DLGAP2: variants seen among roughly 807,000 people sequenced by gnomAD.
DLGAP2 encodes the protein DLG associated protein 2.
In DLGAP2, 26 loss-of-function variants were observed where a neutral mutation model predicts 100.3. The ratio of observed to expected loss-of-function variants is 0.26; its 90% CI spans 0.19 to 0.36. The LOEUF (loss-of-function observed/expected upper bound fraction) is 0.36, where lower values mean the gene tolerates loss of function less well. DLGAP2 is among the 10% of genes least tolerant of loss of function. DLGAP2 has a pLI of 1.00. For synonymous variants in DLGAP2, 886 were observed against 630.1 expected (o/e 1.41, Z -6.08); for missense variants, 1,858 against 1,453.2 (o/e 1.28, Z -4.53).
chr8:1,388,985 G>A (rs1332702337), intron 3 of DLGAP2, among the ~76,000 whole-genome samples: 1 of 137,078 alleles, frequency 7.3e-6, no homozygotes, highest in African/African-American at 2.8e-5. Context: ...GGAGGCGCTG[G>A]TTCAGGTGTC....
At chr8:1,112,003 G>C (rs1280823494) in intron 2 of DLGAP2, among the ~76,000 whole-genome samples, 1 of 151,964 alleles carries the variant, frequency 6.6e-6, no homozygotes, top group Non-Finnish European at 1.5e-5. Context: ...CACAGGGGTT[G>C]AACTACTTTA....
At chr8:1,193,825 C>G (rs559033470) in intron 2 of DLGAP2, among the ~76,000 whole-genome samples, 1 of 151,766 alleles carries the variant, frequency 6.6e-6, no homozygotes, top group Admixed American at 6.6e-5. Flanking sequence ...GACCCCCAGA[C>G]AGCATCCGGG....
intron 2 of DLGAP2, among the ~76,000 whole-genome samples, chr8:1,114,553 G>C (rs949344881): frequency 6.6e-6 from 1 of 151,670 alleles, no homozygotes; most frequent in African/African-American, 2.4e-5. Flanking sequence ...CATTCTCTTT[G>C]TCATTTCTAA....
chr8:1,557,958 C>G (rs905940090), intron 5 of DLGAP2, among the ~76,000 whole-genome samples: 1 of 152,220 alleles, frequency 6.6e-6, no homozygotes, highest in East Asian at 1.9e-4. Flanking sequence ...CAGGCCATAA[C>G]TTGTGTGTCC....
At chr8:1,531,227 T>A (rs1395636155) in intron 4 of DLGAP2, among the ~76,000 whole-genome samples, 1 of 143,372 alleles carries the variant, frequency 7.0e-6, no homozygotes, top group Admixed American at 7.0e-5. Context: ...TAAGATATTA[T>A]TAGAGAGCGT....
In DLGAP2 at chr8:1,007,920, C is replaced by T. The variant is rs192343220; in HGVS notation, c.73+99954C>T. Among the ~76,000 whole-genome samples the T allele has an allele frequency of 1.2e-3, 190 of 152,208 alleles. 2 individuals carry two copies. The highest frequency in any genetic ancestry group is 0.01 in the Middle Eastern group (3 of 294). On this transcript the variant is annotated intron_variant, in intron 2 of 14. Transcript: ENST00000637795. ...CCCATAGTAGGGGAGGGAATCAACC[C>T]ACTCCATGGCGCCCGGTCCGTCTCG...
intron 6 of DLGAP2, among the ~76,000 whole-genome samples, chr8:1,578,156 C>T (rs903580831): frequency 6.6e-6 from 1 of 152,190 alleles, no homozygotes; most frequent in African/African-American, 2.4e-5. Flanking sequence ...AGCTGACTGA[C>T]AAAATCTTTT....
At position 1,701,243 on chromosome 8, in the gene DLGAP2, C is replaced by T. The variant is rs1352863572; in HGVS notation, c.3005C>T (p.Pro1002Leu). The T allele has an allele frequency of 6.3e-7, 1 of 1,579,616 alleles. No homozygotes were observed. The highest frequency in any genetic ancestry group is 1.2e-5 in the South Asian group (1 of 86,170). ...AAGAAGCCTCCCAAGGGGAAGTTTC[C>T]CATCACAAGAGAAAAATCCCTGGAC... ...IPKKPPKGKFPITREKSLDLP... is the reference protein window; with the variant it reads ...IPKKPPKGKFLITREKSLDLP... The change falls in exon 15 of 15, where the codon CCC (proline) becomes CTC (leucine). Residue 1002 changes from proline to leucine, a missense_variant. Physicochemically the swap from Pro to Leu is moderately conservative, Grantham distance 98. Transcript: ENST00000637795.
At chr8:1,240,326 T>TTCTCTCACATGGTGCTGTGTCTAGC (rs1798759481) in intron 2 of DLGAP2, among the ~76,000 whole-genome samples, 1 of 144,748 alleles carries the variant, frequency 6.9e-6, no homozygotes, top group South Asian at 2.3e-4. Flanking sequence ...CTGTGTCTAG[T>TTCTCTCACATGGTGCTGTGTCTAGC]TCTCTCTCAC....
chr8:1,335,270 T>C (rs1328625980), intron 3 of DLGAP2, among the ~76,000 whole-genome samples: 1 of 152,210 alleles, frequency 6.6e-6, no homozygotes. Context: ...GCTGGACTCT[T>C]TAGGGCGGCC....
At chr8:851,535 A>T (rs1215075154) in intron 1 of DLGAP2, among the ~76,000 whole-genome samples, 1 of 152,140 alleles carries the variant, frequency 6.6e-6, no homozygotes, top group Non-Finnish European at 1.5e-5. Context: ...ATTTCAGTAT[A>T]ATTTTTTGTG....
At chr8:1,614,449 C>T (rs992724999) in intron 6 of DLGAP2, among the ~76,000 whole-genome samples, 1 of 152,206 alleles carries the variant, frequency 6.6e-6, no homozygotes, top group East Asian at 1.9e-4. Context: ...AGACACCCGG[C>T]GGACTGGAGG....
chr8:1,558,261 C>G lies in DLGAP2; in HGVS notation c.1231-7422C>G, dbSNP rs146470508. The stretch of plus-strand genomic sequence containing the variant: ...GGCCAAAGGGCCCAGTCACGTGTGC[C>G]CAGTCGCAGGCGGCTTAGATGGGGG... On this transcript the variant is annotated intron_variant, in intron 5 of 14. Coordinates refer to ENST00000637795, the MANE Select transcript of DLGAP2 (RefSeq NM_001346810.2). 2.1e-3 allele frequency among the ~76,000 whole-genome samples: 313 copies of G among 152,314 alleles called. 2 individuals are homozygous for G. Among genetic ancestry groups the G allele is most frequent in the African/African-American group, 7.0e-3 (292 of 41,558 alleles).
rs1201805473 is a variant in DLGAP2, at chr8:1,559,595, G to A, written c.1231-6088G>A. Among the ~76,000 whole-genome samples, 11 of 152,196 alleles carry A rather than the reference G, an allele frequency of 7.2e-5. No individual in the cohort carries two copies. In the East Asian group the frequency reaches 1.2e-3, roughly 16 times the overall value. On this transcript the variant is annotated intron_variant, in intron 5 of 14. Coordinates refer to ENST00000637795, the MANE Select transcript of DLGAP2 (RefSeq NM_001346810.2). ...ACATACAAGCTGGTCTCATTTGTTAGTTAATTTGCAGGCTGCTGAAGAAAA... is the reference window on the plus strand; with the variant it reads ...ACATACAAGCTGGTCTCATTTGTTAATTAATTTGCAGGCTGCTGAAGAAAA...
intron 1 of DLGAP2, chr8:753,724 CT>C (rs1363561816): frequency 2.0e-5 from 3 of 152,248 alleles, no homozygotes; most frequent in African/African-American, 7.2e-5. Context: ...CAGATGGAGC[CT>C]TATCCACTCC....
At chr8:1,367,787 G>A (rs541178081) in intron 3 of DLGAP2, among the ~76,000 whole-genome samples, 27 of 152,146 alleles carry the variant, frequency 1.8e-4, no homozygotes, top group African/African-American at 3.6e-4. Flanking sequence ...GTGTATTTAC[G>A]GTGTATTTGG....
At chr8:1,365,903 A>G (rs1193166794) in intron 3 of DLGAP2, among the ~76,000 whole-genome samples, 1 of 152,206 alleles carries the variant, frequency 6.6e-6, no homozygotes, top group Non-Finnish European at 1.5e-5. Context: ...CCCAGGAGGA[A>G]AAACAGGTGA....
chr8:1,073,664 C>G (rs776153015), intron 2 of DLGAP2, among the ~76,000 whole-genome samples: 1 of 152,204 alleles, frequency 6.6e-6, no homozygotes, highest in Non-Finnish European at 1.5e-5. Flanking sequence ...CACAGAGGAG[C>G]TGTGTGTGCA....
At chr8:780,409 C>T (rs541705766) in intron 1 of DLGAP2, among the ~76,000 whole-genome samples, 1 of 152,212 alleles carries the variant, frequency 6.6e-6, no homozygotes, top group Non-Finnish European at 1.5e-5. Flanking sequence ...TAGGTTGATT[C>T]CATATCTTGT....
Sources: allele counts gnomAD v4.1 joint callset (sites outside exome capture counted in the v4.1 genomes callset), GRCh38; gene constraint gnomAD v4.1.1; transcripts MANE v1.5; gene names NCBI Gene and HGNC (gene_info 2026-07-23, HGNC 2026-07-21).